Variants in MGAT4B observed in about 807,000 individuals in gnomAD.
MGAT4B encodes alpha-1,3-mannosyl-glycoprotein 4-beta-N-acetylglucosaminyltransferase B.
A neutral mutation model predicts 73.9 loss-of-function variants in MGAT4B; 38 were observed. That is an observed-to-expected ratio of 0.51 (90% CI 0.40 to 0.67). MGAT4B has a LOEUF of 0.67. MGAT4B is among the 30% of genes least tolerant of loss of function. The pLI, the probability that MGAT4B is intolerant of heterozygous loss-of-function variation, is 0.00. For synonymous variants in MGAT4B, 373 were observed against 313.5 expected, an observed-to-expected ratio of 1.19 and a Z score of -2.01; for missense variants, 686 against 735.2, an observed-to-expected ratio of 0.93 and a Z score of 0.77.
rs79356327 is a variant in MGAT4B at position 179,801,522 on chromosome 5, C to G, written c.424+32G>C. The G allele has an allele frequency of 6.2e-6, 10 of 1,603,010 alleles. No homozygotes were observed. The Admixed American group carries it at 6.7e-5, about 11-fold the overall frequency. Reference sequence around the variant, plus strand: ...AGGGTGCGGGGGCCACCCGTCCCCCCACCCCGTGCTCCTCCCTGTCTGCGC... The same window carrying G: ...AGGGTGCGGGGGCCACCCGTCCCCCGACCCCGTGCTCCTCCCTGTCTGCGC... On this transcript the variant is annotated intron_variant, in intron 3 of 14. Coordinates refer to ENST00000292591, the MANE Select transcript of MGAT4B (RefSeq NM_014275.5). This position sits in a 1 kb window ranked among gnomAD's most constrained non-coding sequence, Gnocchi z 4.8.
At position 179,798,013 on chromosome 5, in the gene MGAT4B, C is replaced by T. The variant is rs768173696; in HGVS notation, c.*32G>A. On this transcript the variant is annotated 3_prime_UTR_variant, in exon 15 of 15. Transcript: ENST00000292591. The stretch of plus-strand genomic sequence containing the variant: ...ACCCCCAGAAATGTGGGCTTCAGGG[C>T]TGGCCACAGGGTACCCTCAGAAGCC... 8.1e-6 allele frequency: 13 copies of T among 1,599,026 alleles called. No individual in the cohort carries two copies. In the East Asian group the frequency reaches 1.4e-4, roughly 17 times the overall value.
rs372811024 is a variant in MGAT4B at position 179,799,576 on chromosome 5, C to T, written c.971G>A (p.Arg324Gln). 1.3e-5 allele frequency: 21 copies of T among 1,613,860 alleles called. No individual in the cohort carries two copies. Among genetic ancestry groups the T allele is most frequent in the East Asian group, 4.5e-5 (2 of 44,894 alleles). Reference sequence around the variant, plus strand: ...CAGGAGCCAGTCGATGGGCTTGTCCCGGTAGAACATGAGAATGAACTCTAC... The same window carrying T: ...CAGGAGCCAGTCGATGGGCTTGTCCTGGTAGAACATGAGAATGAACTCTAC... ...LIVEFILMFY[R>Q]DKPIDWLLDH... Residue 324 changes from arginine (R) to glutamine (Q), a missense_variant, in exon 9 of 15, where the codon CGG becomes CAG. Physicochemically the swap from Arg to Gln is conservative, Grantham distance 43 (BLOSUM62 1). This residue lies in a region of MGAT4B where 449 missense variants were observed against 536.8 expected (regional missense o/e 0.84). Transcript: ENST00000292591.
In MGAT4B at chr5:179,801,284, C is replaced by T. The variant is rs368374701; in HGVS notation, c.558+50G>A. On this transcript the variant is annotated intron_variant, in intron 4 of 14. Transcript: ENST00000292591. This position sits in a 1 kb window ranked among gnomAD's most constrained non-coding sequence, Gnocchi z 4.8. ...ATGGTTCCTGCTGTCAGTTCTGCAC[C>T]GCGGGGGCTCCTCTGAATGTCCCCC... is the stretch of plus-strand genomic sequence containing the variant. 5.7e-6 allele frequency: 9 copies of T among 1,568,368 alleles called. No individual in the cohort carries two copies. Among genetic ancestry groups the T allele is most frequent in the Non-Finnish European group, 4.3e-6 (5 of 1,153,738 alleles).
chr5:179,800,333 G>T, intron 6 of MGAT4B, 74 bp from the exon 7 acceptor site: 4 of 1,560,456 alleles, frequency 2.6e-6, no homozygotes, highest in Non-Finnish European at 3.5e-6. Flanking sequence ...AAGCCGCTGG[G>T]TGGGCAGCTT....
At chr5:179,800,986 T>C in intron 4 of MGAT4B, 33 bp from the exon 5 acceptor site, 1 of 1,612,488 alleles carries the variant, frequency 6.2e-7, no homozygotes, top group East Asian at 2.2e-5. Flanking sequence ...CCCTTAGCCC[T>C]GCTGCTGCCC....
intron 1 of MGAT4B, chr5:179,802,856 G>A: frequency 2.0e-6 from 2 of 985,510 alleles, no homozygotes; most frequent in Non-Finnish European, 1.2e-6. Context: ...CCAGGCCTCT[G>A]CCAGGCGAGT....
At position 179,801,935 on chromosome 5, in the gene MGAT4B, C is replaced by G. The variant is rs1271384898; in HGVS notation, c.132G>C (p.Leu44=). The G allele has an allele frequency of 7.4e-6, 12 of 1,613,376 alleles. No individual in the cohort carries two copies. The highest frequency in any genetic ancestry group is 1.0e-5 in the Non-Finnish European group (12 of 1,180,006). Residue 44 remains leucine, a synonymous_variant, in exon 2 of 15, where the codon CTG becomes CTC. Coordinates refer to ENST00000292591, the MANE Select transcript of MGAT4B (RefSeq NM_014275.5). The surrounding 1 kb of genome is among the most constrained non-coding windows in gnomAD (Gnocchi z 4.8). The part of the protein sequence containing the change: ...DVVDVYQREF[L]ALRDRLHAAE... Reference sequence around the variant, plus strand: ...CTGCGTGCAACCGATCGCGCAGCGCCAGGAACTCCCGCTGGTAAACGTCCA... The same window carrying G: ...CTGCGTGCAACCGATCGCGCAGCGCGAGGAACTCCCGCTGGTAAACGTCCA...
At chr5:179,805,878 C>T (rs958035206) in intron 1 of MGAT4B, among the ~76,000 whole-genome samples, 2 of 152,154 alleles carry the variant, frequency 1.3e-5, no homozygotes, top group African/African-American at 4.8e-5. Context: ...GCTGGGCGCA[C>T]GCGGAGGGCG....
At chr5:179,805,034 G>C (rs1450572463) in intron 1 of MGAT4B, 1 of 152,308 alleles carries the variant, frequency 6.6e-6, no homozygotes, top group African/African-American at 2.4e-5. Context: ...GGCCCTCAGA[G>C]AGCCAGCCTC....
Position 179,797,923 on chromosome 5 carries a change from C to T in MGAT4B, c.*122G>A, listed in dbSNP as rs2113420591. ...GCGGCGGACCCCAGGCCGGCCCAAG[C>T]CCGACGCCAGGCAGAACCCTTTGGG... On this transcript the variant is annotated 3_prime_UTR_variant, in exon 15 of 15. Coordinates refer to ENST00000292591, the MANE Select transcript of MGAT4B (RefSeq NM_014275.5). 5 of 1,402,370 alleles carry T rather than the reference C, an allele frequency of 3.6e-6. No homozygotes were observed. The South Asian group carries it at 5.1e-5, about 14-fold the overall frequency. 86.9% of individuals were successfully genotyped at this position (1,402,370 alleles called of 1,614,324 possible).
At chr5:179,804,077 G>A (rs1757048371) in intron 1 of MGAT4B, among the ~76,000 whole-genome samples, 1 of 152,242 alleles carries the variant, frequency 6.6e-6, no homozygotes, top group African/African-American at 2.4e-5. Flanking sequence ...GCAGCAATGA[G>A]GCCTGGAGGC....
chr5:179,803,098 G>A (rs1757014341), intron 1 of MGAT4B: 16 of 985,548 alleles, frequency 1.6e-5, no homozygotes, highest in Non-Finnish European at 1.8e-5. Flanking sequence ...TTCCGAAACG[G>A]GCAGGAGGTC....
At position 179,799,098 on chromosome 5, in the gene MGAT4B, C is replaced by T. The variant is rs368749618; in HGVS notation, c.1173G>A (p.Ala391=). Residue 391 remains alanine, a synonymous_variant, in exon 11 of 15, where the codon GCG becomes GCA. Coordinates refer to ENST00000292591, the MANE Select transcript of MGAT4B (RefSeq NM_014275.5). ...GCGGGTTCACATGCTCCTTCCGCAGCGCCTGCTTTCCAAAGTCTTTGTCCT... is the reference window on the plus strand; with the variant it reads ...GCGGGTTCACATGCTCCTTCCGCAGTGCCTGCTTTCCAAAGTCTTTGTCCT... ...KLKDKDFGKQ[A]LRKEHVNPPA... 141 of 1,613,942 alleles carry T rather than the reference C, an allele frequency of 8.7e-5. No homozygotes were observed. In the South Asian group the frequency reaches 1.1e-3, roughly 13 times the overall value.
At chr5:179,802,645 G>T in intron 1 of MGAT4B, 2 of 986,898 alleles carry the variant, frequency 2.0e-6, no homozygotes, top group Non-Finnish European at 2.4e-6. Context: ...CACCCTGAAG[G>T]GTCCGCATGC....
intron 6 of MGAT4B, 82 bp from the exon 7 acceptor site, chr5:179,800,341 C>A: frequency 6.6e-7 from 1 of 1,526,306 alleles, no homozygotes; most frequent in Non-Finnish European, 9.1e-7. Flanking sequence ...GGGTGGGCAG[C>A]TTCTGTCCCC....
rs1371591285 is a variant in MGAT4B at position 179,801,827 on chromosome 5, C to T, written c.240G>A (p.Ala80=). The T allele has an allele frequency of 2.5e-6, 4 of 1,605,522 alleles. No individual in the cohort carries two copies. The highest frequency in any genetic ancestry group is 2.2e-5 in the East Asian group (1 of 44,614). The part of the protein sequence containing the change: ...EIKRAVSERQ[A]LRDGDGNRTW... ...TGCGATTGCCGTCTCCGTCTCGCAG[C>T]GCCTGCCTTTCTGACACGGCCCTCT... is the stretch of plus-strand genomic sequence containing the variant. Residue 80 remains alanine, a synonymous_variant, in exon 2 of 15, where the codon GCG becomes GCA. Coordinates refer to ENST00000292591, the MANE Select transcript of MGAT4B (RefSeq NM_014275.5). This position sits in a 1 kb window ranked among gnomAD's most constrained non-coding sequence, Gnocchi z 4.8.
rs758335795 is a variant in MGAT4B at position 179,801,744 on chromosome 5, G to A, written c.283+40C>T. 24 of 1,570,544 alleles carry A rather than the reference G, an allele frequency of 1.5e-5. No homozygotes were observed. The highest frequency in any genetic ancestry group is 2.0e-5 in the Non-Finnish European group (23 of 1,156,712). The stretch of plus-strand genomic sequence containing the variant: ...ACTGAGACCAGGGAACCTACAACCA[G>A]CCCGCCCCCGCCTTTTCCCCCTCCC... On this transcript the variant is annotated intron_variant, in intron 2 of 14. Transcript: ENST00000292591. The surrounding 1 kb of genome is among the most constrained non-coding windows in gnomAD (Gnocchi z 4.8).
At position 179,801,672 on chromosome 5, in the gene MGAT4B, C is replaced by T. The variant is rs1488235295; in HGVS notation, c.306G>A (p.Trp102Ter). 1 of 1,608,340 alleles carries T rather than the reference C, an allele frequency of 6.2e-7. No individual in the cohort carries two copies. Among genetic ancestry groups the T allele is most frequent in the African/African-American group, 1.3e-5 (1 of 75,042 alleles). ...GCAGCACGTGCCGGTGTGAGCCGTT[C>T]CACGGCTTCAATCGGGGGTCCTCTG... is the stretch of plus-strand genomic sequence containing the variant. ...RLTEDPRLKP[W>*]NGSHRHVLHL... Residue 102 changes from tryptophan to a stop codon, truncating the protein, a stop_gained, in exon 3 of 15, where the codon TGG (tryptophan) becomes TGA (stop). Coordinates refer to ENST00000292591, the MANE Select transcript of MGAT4B (RefSeq NM_014275.5). LOFTEE classifies it high-confidence loss of function. This position sits in a 1 kb window ranked among gnomAD's most constrained non-coding sequence, Gnocchi z 4.8.
At position 179,801,286 on chromosome 5, in the gene MGAT4B, C is replaced by G. The variant is rs755270688; in HGVS notation, c.558+48G>C. 2 of 1,573,004 alleles carry G rather than the reference C, an allele frequency of 1.3e-6. No individual in the cohort carries two copies. Among genetic ancestry groups the G allele is most frequent in the Non-Finnish European group, 1.7e-6 (2 of 1,155,856 alleles). ...GGTTCCTGCTGTCAGTTCTGCACCG[C>G]GGGGGCTCCTCTGAATGTCCCCCAA... On this transcript the variant is annotated intron_variant, in intron 4 of 14. Transcript: ENST00000292591. This position sits in a 1 kb window ranked among gnomAD's most constrained non-coding sequence, Gnocchi z 4.8.
Sources: allele counts gnomAD v4.1 joint callset (sites outside exome capture counted in the v4.1 genomes callset), GRCh38; gene constraint gnomAD v4.1.1; regional missense constraint gnomAD v4.1.1; non-coding constraint Gnocchi (gnomAD v3.1); transcripts MANE v1.5; gene names NCBI Gene and HGNC (gene_info 2026-07-23, HGNC 2026-07-21).